DBR1: variants seen among roughly 807,000 people sequenced by gnomAD.
DBR1 encodes the protein debranching RNA lariats 1.
In DBR1, 33 loss-of-function variants were observed where a neutral mutation model predicts 45.9. That is an observed-to-expected ratio of 0.72 (90% CI 0.55 to 0.96). DBR1 has a LOEUF of 0.96. Ranked by LOEUF, DBR1 falls within the 40% of genes least tolerant of loss-of-function variation. The probability of loss-of-function intolerance (pLI) is 0.00; values close to 1 mark genes in which losing one functional copy is unlikely to be tolerated. For synonymous variants in DBR1, 235 were observed against 235.9 expected (o/e 1.00, Z 0.04); for missense variants, 619 against 667.4 (o/e 0.93, Z 0.80).
rs1466421039 is a variant in DBR1 at position 138,173,488 on chromosome 3, A to G, written c.322+14T>C. On this transcript the variant is annotated intron_variant, in intron 2 of 7. Transcript: ENST00000260803. ...TCCCAGGAAAAAAAAGTATCCACAAACACAATCACATACCTAAATAATAAA... is the reference window on the plus strand; with the variant it reads ...TCCCAGGAAAAAAAAGTATCCACAAGCACAATCACATACCTAAATAATAAA... 6.2e-7 allele frequency: 1 copy of G among 1,612,784 alleles called. No homozygotes were observed. Among genetic ancestry groups the G allele is most frequent in the Non-Finnish European group, 8.5e-7 (1 of 1,179,364 alleles).
At position 138,174,568 on chromosome 3, in the gene DBR1, C is replaced by G; in HGVS notation, c.197+31G>C. 3.2e-6 allele frequency: 5 copies of G among 1,558,062 alleles called. No homozygotes were observed. The Middle Eastern group carries it at 8.6e-4, about 268-fold the overall frequency. ...GAGGGAACCCAGTCCCACCCCCCCA[C>G]CGCCAAGTCCGGGCCCGGCCGCGTC... is the stretch of plus-strand genomic sequence containing the variant. On this transcript the variant is annotated intron_variant, in intron 1 of 7. Transcript: ENST00000260803.
chr3:138,162,217 T>A lies in DBR1; in HGVS notation c.1307A>T (p.Asp436Val). Reference sequence around the variant, plus strand: ...ATGTGCACTTACAATACTATCTTCATCTTCTTCTTCATCTAACATTATTTC... The same window carrying A: ...ATGTGCACTTACAATACTATCTTCAACTTCTTCTTCATCTAACATTATTTC... ...PDEIMLDEEEDEDSIVSAHSG... is the reference protein window; with the variant it reads ...PDEIMLDEEEVEDSIVSAHSG... The change falls in exon 8 of 8, where the codon GAT (aspartate) becomes GTT (valine). Residue 436 changes from aspartate (D) to valine (V), a missense_variant. This residue lies in a region of DBR1 where 182 missense variants were observed against 196.1 expected (regional missense o/e 0.93). Transcript: ENST00000260803. 11 of 1,614,164 alleles carry A rather than the reference T, an allele frequency of 6.8e-6. No homozygotes were observed. Among genetic ancestry groups the A allele is most frequent in the Non-Finnish European group, 9.3e-6 (11 of 1,180,028 alleles).
intron 5 of DBR1, chr3:138,164,087 A>C: frequency 2.8e-6 from 1 of 355,704 alleles, no homozygotes; most frequent in Non-Finnish European, 5.2e-6. Context: ...ATTCAAGGCA[A>C]AAACTAATGA....
At chr3:138,174,556 C>T in intron 1 of DBR1, 43 bp downstream of exon 1, 10 of 896,580 alleles carry the variant, frequency 1.1e-5, no homozygotes, top group East Asian at 3.0e-5. Flanking sequence ...GGAACCCAGT[C>T]CCACCCCCCC....
chr3:138,174,466 CTGT>C, intron 1 of DBR1, 130 bp downstream of exon 1: 2 of 928,506 alleles, frequency 2.2e-6, no homozygotes, highest in South Asian at 3.4e-5. Flanking sequence ...TACCTCACCC[CTGT>C]ATTCAGTTAG....
Position 138,167,136 on chromosome 3 carries a change from G to A in DBR1, c.659C>T (p.Thr220Ile). Residue 220 changes from threonine to isoleucine, a missense_variant, in exon 5 of 8, where the codon ACT becomes ATT. By Grantham distance (89) the Thr-to-Ile change is moderately conservative. This residue lies in a region of DBR1 where 430 missense variants were observed against 447.7 expected (regional missense o/e 0.96). Coordinates refer to ENST00000260803, the MANE Select transcript of DBR1 (RefSeq NM_016216.4). ...ASELLEHLKP[T>I]YWFSAHLHVK... ...ATGAAGGTGGGCAGAAAACCAATAAGTAGGTTTGAGATGCTCTAAAAGCTC... is the reference window on the plus strand; with the variant it reads ...ATGAAGGTGGGCAGAAAACCAATAAATAGGTTTGAGATGCTCTAAAAGCTC... 6.2e-7 allele frequency: 1 copy of A among 1,614,168 alleles called. No homozygotes were observed. The highest frequency in any genetic ancestry group is 8.5e-7 in the Non-Finnish European group (1 of 1,180,026).
At chr3:138,172,455 C>T (rs1056186512) in intron 2 of DBR1, among the ~76,000 whole-genome samples, 8 of 152,006 alleles carry the variant, frequency 5.3e-5, no homozygotes, top group Admixed American at 3.9e-4. Flanking sequence ...ATTAGCCGGG[C>T]GTGGTGGTAC....
intron 2 of DBR1, among the ~76,000 whole-genome samples, chr3:138,173,075 C>T (rs963093252): frequency 2.3e-5 from 3 of 130,226 alleles, no homozygotes; most frequent in Non-Finnish European, 4.8e-5. Flanking sequence ...ATACTCTAGT[C>T]ATCTCTTCCC....
Position 138,173,656 on chromosome 3 carries a change from C to G in DBR1, c.198-30G>C, listed in dbSNP as rs750707450. The G allele has an allele frequency of 2.6e-6, 4 of 1,548,680 alleles. No homozygotes were observed. The South Asian group carries it at 4.9e-5, about 19-fold the overall frequency. On this transcript the variant is annotated intron_variant, in intron 1 of 7. Coordinates refer to ENST00000260803, the MANE Select transcript of DBR1 (RefSeq NM_016216.4). ...AACATAAGAGCAAAGTCAGTTACCA[C>G]AATTAGGCATAGCAGAAAAGCAAAT...
intron 5 of DBR1, among the ~76,000 whole-genome samples, chr3:138,164,874 T>A (rs2042923304): frequency 6.6e-6 from 1 of 152,218 alleles, no homozygotes; most frequent in Admixed American, 6.5e-5. Context: ...CTCGAACTCC[T>A]GGCCTCAAGT....
chr3:138,163,485 T>C lies in DBR1; in HGVS notation c.805A>G (p.Ile269Val), dbSNP rs1379262185. 7 of 1,592,748 alleles carry C rather than the reference T, an allele frequency of 4.4e-6. No individual in the cohort carries two copies. The highest frequency in any genetic ancestry group is 6.0e-6 in the Non-Finnish European group (7 of 1,163,544). Reference sequence around the variant, plus strand: ...TCAGGAGCACTGGGGTCATGTTCTATCTCTAATATCTACAGGATGAAATCA... The same window carrying C: ...TCAGGAGCACTGGGGTCATGTTCTACCTCTAATATCTACAGGATGAAATCA... ...PHRDFLQILE[I>V]EHDPSAPDYL... The change falls in exon 7 of 8, where the codon ATA becomes GTA. Residue 269 changes from isoleucine (I) to valine (V), a missense_variant. By Grantham distance (29) the Ile-to-Val change is conservative. Around this residue, in one of 3 missense-constraint regions of DBR1, gnomAD observed 430 missense variants for 447.7 expected, o/e 0.96. Coordinates refer to ENST00000260803, the MANE Select transcript of DBR1 (RefSeq NM_016216.4).
intron 5 of DBR1, among the ~76,000 whole-genome samples, chr3:138,166,540 G>A (rs1317144434): frequency 1.3e-5 from 2 of 152,270 alleles, no homozygotes; most frequent in South Asian, 2.1e-4. Flanking sequence ...CAACAATGCT[G>A]TCAAACTAAT....
Position 138,167,182 on chromosome 3 carries a change from A to C in DBR1, c.613T>G (p.Leu205Val). The C allele has an allele frequency of 6.2e-7, 1 of 1,614,124 alleles. No individual in the cohort carries two copies. Among genetic ancestry groups the C allele is most frequent in the Non-Finnish European group, 8.5e-7 (1 of 1,180,020 alleles). The change falls in exon 5 of 8, where the codon TTA (leucine) becomes GTA (valine). Residue 205 changes from leucine (L) to valine (V), a missense_variant. Transcript: ENST00000260803. ...FFRQEVENNTLGSPAASELLE... is the reference protein window; with the variant it reads ...FFRQEVENNTVGSPAASELLE... ...AGCTCTGAGGCAGCTGGACTTCCTAATGTGTTATTTTCCACTTCTTGTCGG... is the reference window on the plus strand; with the variant it reads ...AGCTCTGAGGCAGCTGGACTTCCTACTGTGTTATTTTCCACTTCTTGTCGG...
Position 138,166,178 on chromosome 3 carries a change from C to T in DBR1, c.714+903G>A, listed in dbSNP as rs182282053. On this transcript the variant is annotated intron_variant, in intron 5 of 7. Coordinates refer to ENST00000260803, the MANE Select transcript of DBR1 (RefSeq NM_016216.4). ...AAGAAGAAATCTGTAACTCTGTTAACCCAGCATTTTCTACACAGTTTTCCT... is the reference window on the plus strand; with the variant it reads ...AAGAAGAAATCTGTAACTCTGTTAATCCAGCATTTTCTACACAGTTTTCCT... Among the ~76,000 whole-genome samples, 170 of 152,282 alleles carry T rather than the reference C, an allele frequency of 1.1e-3. 3 individuals are homozygous for T. In the South Asian group the frequency reaches 0.025, roughly 22 times the overall value.
chr3:138,163,032 T>C (rs930839499), intron 7 of DBR1, among the ~76,000 whole-genome samples: 4 of 151,720 alleles, frequency 2.6e-5, no homozygotes, highest in African/African-American at 9.7e-5. Flanking sequence ...CCGAGGGAGG[T>C]GGATAGCTTG....
intron 5 of DBR1, 26 bp downstream of exon 5, chr3:138,167,055 G>T (rs773007364): frequency 2.5e-6 from 4 of 1,596,080 alleles, no homozygotes; most frequent in Non-Finnish European, 3.4e-6. Context: ...TGTGTTAAAT[G>T]AAAGAATAAA....
In DBR1 at chr3:138,167,438, AG is replaced by A. The variant is rs1010731269; in HGVS notation, c.490-134del. The A allele has an allele frequency of 3.3e-5, 22 of 660,018 alleles. No homozygotes were observed. In the African/African-American group the frequency reaches 4.1e-4, roughly 12 times the overall value. 40.9% of individuals were successfully genotyped at this position (660,018 alleles called of 1,614,324 possible). On this transcript the variant is annotated intron_variant, in intron 4 of 7. Coordinates refer to ENST00000260803, the MANE Select transcript of DBR1 (RefSeq NM_016216.4). ...CTAGAATTCTGTATAATTCATTCTA[AG>A]GACACTTTAAGAGAGTGATAAAAAT...
At position 138,173,499 on chromosome 3, in the gene DBR1, T is replaced by C; in HGVS notation, c.322+3A>G. On this transcript the variant is annotated splice_donor_region_variant and intron_variant, in intron 2 of 7. Transcript: ENST00000260803. ...AAAAGTATCCACAAACACAATCACA[T>C]ACCTAAATAATAAATGTTTGGTGCC... 6.2e-7 allele frequency: 1 copy of C among 1,613,362 alleles called. No individual in the cohort carries two copies. Among genetic ancestry groups the C allele is most frequent in the Non-Finnish European group, 8.5e-7 (1 of 1,179,572 alleles).
In DBR1 at chr3:138,173,818, CCT is replaced by C. The variant is rs1192941002; in HGVS notation, c.198-194_198-193del. On this transcript the variant is annotated intron_variant, in intron 1 of 7. Coordinates refer to ENST00000260803, the MANE Select transcript of DBR1 (RefSeq NM_016216.4). ...TTTGATGGCCGACACAGGCGGATCC[CCT>C]GAGGTCAGGAGTTCGAGACCAACCT... 3.9e-5 allele frequency among the ~76,000 whole-genome samples: 6 copies of C among 152,150 alleles called. No individual in the cohort carries two copies. In the East Asian group the frequency reaches 1.2e-3, roughly 29 times the overall value.
Sources: gnomAD v4.1 joint callset for allele counts (sites outside exome capture counted in the v4.1 genomes callset) on GRCh38, gnomAD v4.1.1 for gene constraint, gnomAD v4.1.1 regional missense constraint, MANE v1.5 for transcripts, NCBI Gene and HGNC (gene_info 2026-07-23, HGNC 2026-07-21) for gene names.